The following PRPF38A variants were observed in gnomAD, a reference collection of about 807,000 sequenced individuals.
PRPF38A encodes the protein pre-mRNA processing factor 38A.
PRPF38A carries 11 observed loss-of-function variants against 46.8 expected under a neutral mutation model. The ratio of observed to expected loss-of-function variants is 0.24; its 90% CI spans 0.15 to 0.39. The LOEUF is 0.39. Ranked by LOEUF, PRPF38A falls within the 10% of genes least tolerant of loss-of-function variation. The pLI is 1.00. For synonymous variants in PRPF38A, 124 were observed against 136.2 expected, an observed-to-expected ratio of 0.91 and a Z score of 0.62; for missense variants, 261 against 407.5, an observed-to-expected ratio of 0.64 and a Z score of 3.10.
chr1:52,414,804 A>G lies in PRPF38A; in HGVS notation c.792A>G (p.Arg264=). 6.2e-7 allele frequency: 1 copy of G among 1,614,030 alleles called. No individual in the cohort carries two copies. The highest frequency in any genetic ancestry group is 2.2e-5 in the East Asian group (1 of 44,866). ...RRERHRSKSP[R]RHRSRSRDRR... is the part of the protein sequence containing the mutation. ...AAAGGCATCGGAGCAAGAGTCCAAG[A>G]CGTCACCGCAGCAGGTCCCGAGATC... The change falls in exon 8 of 10, where the codon AGA becomes AGG. Residue 264 remains arginine (R), a synonymous_variant. Coordinates refer to ENST00000257181, the MANE Select transcript of PRPF38A (RefSeq NM_032864.4).
chr1:52,412,718 GGC>G, intron 5 of PRPF38A, 94 bp downstream of exon 5: 3 of 794,594 alleles, frequency 3.8e-6, no homozygotes, highest in Non-Finnish European at 4.1e-6. Flanking sequence ...TAACTCTATT[GGC>G]CGGGCGTGGT....
intron 3 of PRPF38A, among the ~76,000 whole-genome samples, chr1:52,410,029 A>G (rs1311294620): frequency 6.6e-6 from 1 of 150,978 alleles, no homozygotes; most frequent in Non-Finnish European, 1.5e-5. Context: ...GTATGTATAT[A>G]TATGTATTTG....
Position 52,411,805 on chromosome 1 carries a change from G to A in PRPF38A, c.498+605G>A, listed in dbSNP as rs1648156441. Reference sequence around the variant, plus strand: ...TCTCCTGTTCCATGTTGGCACTGTAGGGCATGTAGTGGAAAGAATGAGATT... The same window carrying A: ...TCTCCTGTTCCATGTTGGCACTGTAAGGCATGTAGTGGAAAGAATGAGATT... On this transcript the variant is annotated intron_variant, in intron 4 of 9. Coordinates refer to ENST00000257181, the MANE Select transcript of PRPF38A (RefSeq NM_032864.4). 2.6e-5 allele frequency among the ~76,000 whole-genome samples: 4 copies of A among 152,222 alleles called. No individual in the cohort carries two copies. In the South Asian group the frequency reaches 8.3e-4, roughly 32 times the overall value.
chr1:52,413,924 G>C lies in PRPF38A; in HGVS notation c.655G>C (p.Asp219His). The change falls in exon 6 of 10, where the codon GAC becomes CAC. Residue 219 changes from aspartate (D) to histidine (H), a missense_variant. Physicochemically the swap from Asp to His is moderately conservative, Grantham distance 81. Transcript: ENST00000257181. ...TGATCACCGCCGGAGAAGCTACCGAGACTTGGACAAGCCCCGTCGCTCTCC... is the reference window on the plus strand; with the variant it reads ...TGATCACCGCCGGAGAAGCTACCGACACTTGGACAAGCCCCGTCGCTCTCC... Reference protein sequence around the residue: ...SPDHRRRSYRDLDKPRRSPTL... With the variant: ...SPDHRRRSYRHLDKPRRSPTL... The C allele has an allele frequency of 6.2e-7, 1 of 1,614,012 alleles. No individual in the cohort carries two copies. The highest frequency in any genetic ancestry group is 8.5e-7 in the Non-Finnish European group (1 of 1,179,990).
At chr1:52,416,619 A>G (rs774118700) in intron 9 of PRPF38A, 29 bp from the exon 10 acceptor site, 11 of 1,588,778 alleles carry the variant, frequency 6.9e-6, no homozygotes, top group South Asian at 3.3e-5. Flanking sequence ...GCTTCTTAAT[A>G]TAATTATTTA....
chr1:52,416,978 A>T lies in PRPF38A; in HGVS notation c.*288A>T. The T allele has an allele frequency of 2.6e-6, 1 of 386,658 alleles. No homozygotes were observed. The highest frequency in any genetic ancestry group is 4.8e-6 in the Non-Finnish European group (1 of 209,474). The allele number at this position is 386,658 out of a possible 1,614,324, so 24.0% of individuals were successfully genotyped here. A position where few individuals can be genotyped will look rare whatever the true frequency, so the allele number is the denominator to read the frequency against. On this transcript the variant is annotated 3_prime_UTR_variant, in exon 10 of 10. Transcript: ENST00000257181. ...GACAAGGAAAGGCTGTGGCCACCTGATGACCCTTTCCCTTTTTATTAAACC... is the reference window on the plus strand; with the variant it reads ...GACAAGGAAAGGCTGTGGCCACCTGTTGACCCTTTCCCTTTTTATTAAACC...
At position 52,420,668 on chromosome 1, in the gene PRPF38A, TTG is replaced by T. The variant is rs1299226478; in HGVS notation, c.*3980_*3981del. ...TATGAGCCCACTTTTGTAAAACTAT[TTG>T]TATATATGTGCCTGTATGATTAAGA... On this transcript the variant is annotated 3_prime_UTR_variant, in exon 10 of 10. Coordinates refer to ENST00000257181, the MANE Select transcript of PRPF38A (RefSeq NM_032864.4). 2 of 152,196 alleles carry T rather than the reference TTG, an allele frequency of 1.3e-5. No individual in the cohort carries two copies. The highest frequency in any genetic ancestry group is 2.9e-5 in the Non-Finnish European group (2 of 68,020). The allele number at this position is 152,196 out of a possible 1,614,324, so 9.4% of individuals were successfully genotyped here.
intron 3 of PRPF38A, among the ~76,000 whole-genome samples, chr1:52,410,506 A>AT (rs535162950): frequency 0.061 from 8,756 of 142,730 alleles, 285 homozygotes; most frequent in African/African-American, 0.083. Context: ...TAGACATATA[A>AT]TTTTTTTTTT....
chr1:52,404,848 G>C lies in PRPF38A; in HGVS notation c.99G>C (p.Lys33Asn). The change falls in exon 1 of 10, where the codon AAG (lysine) becomes AAC (asparagine). Residue 33 changes from lysine to asparagine, a missense_variant. Coordinates refer to ENST00000257181, the MANE Select transcript of PRPF38A (RefSeq NM_032864.4). Reference protein sequence around the residue: ...KIIRTRIYESKYWKEECFGLT... With the variant: ...KIIRTRIYESNYWKEECFGLT... ...TTCGAACGCGAATCTATGAGTCCAA[G>C]TACTGGAAAGAGGAGTGCTTTGGAC... The C allele has an allele frequency of 6.2e-7, 1 of 1,614,254 alleles. No homozygotes were observed.
Position 52,408,705 on chromosome 1 carries a change from A to C in PRPF38A, c.412+15A>C. 1 of 1,611,778 alleles carries C rather than the reference A, an allele frequency of 6.2e-7. No individual in the cohort carries two copies. Among genetic ancestry groups the C allele is most frequent in the Non-Finnish European group, 8.5e-7 (1 of 1,178,118 alleles). ...CCGAAATGGGGGTAAGTATGGTGCT[A>C]AGTCTCCTGATTGTCATTTTTAAGC... On this transcript the variant is annotated intron_variant, in intron 3 of 9. Transcript: ENST00000257181.
At chr1:52,416,469 C>T (rs772295067) in intron 9 of PRPF38A, among the ~76,000 whole-genome samples, 179 bp from the exon 10 acceptor site, 5 of 151,976 alleles carry the variant, frequency 3.3e-5, no homozygotes, top group South Asian at 2.1e-4. Context: ...CCGCCATGCT[C>T]GGCTAATTTT....
At chr1:52,411,063 C>T in intron 3 of PRPF38A, 52 bp from the exon 4 acceptor site, 1 of 1,328,352 alleles carries the variant, frequency 7.5e-7, no homozygotes, top group Non-Finnish European at 1.1e-6. Context: ...TACTTTTTGG[C>T]ATCTAAATCT....
intron 3 of PRPF38A, 40 bp downstream of exon 3, chr1:52,408,730 C>A: frequency 6.2e-7 from 1 of 1,606,864 alleles, no homozygotes; most frequent in Admixed American, 1.7e-5. Flanking sequence ...CATTTTTAAG[C>A]CAGTTTTTAT....
chr1:52,409,491 A>T (rs377443638), intron 3 of PRPF38A: 1 of 152,252 alleles, frequency 6.6e-6, no homozygotes, highest in East Asian at 1.9e-4. Context: ...CACACCTGTA[A>T]TCCCAGCTAC....
chr1:52,414,668 G>A (rs748082125), intron 7 of PRPF38A, 21 bp downstream of exon 7: 2 of 1,613,872 alleles, frequency 1.2e-6, no homozygotes, highest in South Asian at 1.1e-5. Context: ...AGTCATTTGT[G>A]ATGAAGGATA....
At chr1:52,405,866 T>C (rs1347584058) in intron 2 of PRPF38A, 27 bp downstream of exon 2, 15 of 1,603,774 alleles carry the variant, frequency 9.4e-6, no homozygotes, top group South Asian at 7.7e-5. Context: ...CTAGCTAATA[T>C]AAGAGGTTTA....
intron 9 of PRPF38A, among the ~76,000 whole-genome samples, chr1:52,415,832 C>CTTTTTTTTTTT (rs71041898): frequency 1.4e-4 from 7 of 51,610 alleles, no homozygotes; most frequent in African/African-American, 6.4e-4. Flanking sequence ...TGGGTGCACT[C>CTTTTTTTTTTT]TTTTTTTTTT....
intron 2 of PRPF38A, among the ~76,000 whole-genome samples, chr1:52,406,987 GTAGT>G (rs1327446601): frequency 6.6e-6 from 1 of 152,210 alleles, no homozygotes; most frequent in Non-Finnish European, 1.5e-5. Flanking sequence ...GGAAATTTAA[GTAGT>G]TAGATATAGG....
At chr1:52,405,937 TAG>T in intron 2 of PRPF38A, 98 bp downstream of exon 2, 1 of 1,006,290 alleles carries the variant, frequency 9.9e-7, no homozygotes, top group Non-Finnish European at 1.5e-6. Context: ...ATCTCATTTC[TAG>T]AGAGTTCCAC....
Sources: allele counts gnomAD v4.1 joint callset (sites outside exome capture counted in the v4.1 genomes callset), GRCh38; gene constraint gnomAD v4.1.1; transcripts MANE v1.5; gene names NCBI Gene and HGNC (gene_info 2026-07-23, HGNC 2026-07-21).